The following RPRD1B variants were observed in gnomAD, a reference collection of about 807,000 sequenced individuals.
RPRD1B encodes regulation of nuclear pre-mRNA domain-containing protein 1B.
A neutral mutation model predicts 41.5 loss-of-function variants in RPRD1B; 11 were observed. That is an observed-to-expected ratio of 0.27 (90% confidence interval 0.17 to 0.44). The LOEUF (loss-of-function observed/expected upper bound fraction) is 0.44. Ranked by LOEUF, RPRD1B falls within the 20% of genes least tolerant of loss-of-function variation. The pLI is 1.00. For missense variants in RPRD1B, 248 were observed against 389.9 expected (o/e 0.64, Z 3.06); for synonymous variants, 158 against 155.6 (o/e 1.02, Z -0.12).
chr20:38,042,158 C>T (rs2074072927), intron 2 of RPRD1B, among the ~76,000 whole-genome samples: 1 of 152,138 alleles, frequency 6.6e-6, no homozygotes, highest in Non-Finnish European at 1.5e-5. Flanking sequence ...AAATTCCAGC[C>T]TGGGCAGCAT....
intron 6 of RPRD1B, chr20:38,070,594 C>T (rs972522966): frequency 1.4e-5 from 14 of 985,108 alleles, no homozygotes; most frequent in African/African-American, 1.8e-5. Context: ...GTCTTGTCAG[C>T]GTGAATAAAG....
intron 3 of RPRD1B, among the ~76,000 whole-genome samples, chr20:38,056,776 A>G (rs368370493): frequency 6.6e-6 from 1 of 152,260 alleles, no homozygotes; most frequent in Non-Finnish European, 1.5e-5. Flanking sequence ...GCTGTGTCCA[A>G]TATTTCTTTA....
intron 2 of RPRD1B, among the ~76,000 whole-genome samples, chr20:38,042,367 G>A (rs759802087): frequency 3.9e-5 from 6 of 152,074 alleles, no homozygotes; most frequent in Non-Finnish European, 8.8e-5. Flanking sequence ...ATTACAAACA[G>A]ACAAACGATC....
At position 38,091,220 on chromosome 20, in the gene RPRD1B, A is replaced by G. The variant is rs1336396178; in HGVS notation, c.*1345A>G. 5.1e-6 allele frequency: 5 copies of G among 985,766 alleles called. No individual in the cohort carries two copies. Among genetic ancestry groups the G allele is most frequent in the Admixed American group, 6.1e-5 (1 of 16,268 alleles). 61.1% of individuals were successfully genotyped at this position (985,766 alleles called of 1,614,324 possible). A position where few individuals can be genotyped will look rare whatever the true frequency, so the allele number is the denominator to read the frequency against. On this transcript the variant is annotated 3_prime_UTR_variant, in exon 7 of 7. Coordinates refer to ENST00000373433, the MANE Select transcript of RPRD1B (RefSeq NM_021215.4). Reference sequence around the variant, plus strand: ...GACCAGAGGCTGAAACCCAAACTATATAAAAAGGAATTCAGTGGAGGGGGC... The same window carrying G: ...GACCAGAGGCTGAAACCCAAACTATGTAAAAAGGAATTCAGTGGAGGGGGC...
At chr20:38,053,381 A>C (rs2074208114) in intron 3 of RPRD1B, among the ~76,000 whole-genome samples, 1 of 152,194 alleles carries the variant, frequency 6.6e-6, no homozygotes, top group Admixed American at 6.5e-5. Flanking sequence ...TAGCACTAGC[A>C]TTTTCCAAGC....
At chr20:38,058,177 T>G (rs1314681876) in intron 4 of RPRD1B, among the ~76,000 whole-genome samples, 2 of 152,184 alleles carry the variant, frequency 1.3e-5, no homozygotes, top group Non-Finnish European at 2.9e-5. Context: ...AAGGTGACAG[T>G]TTAAGTAACT....
intron 6 of RPRD1B, among the ~76,000 whole-genome samples, chr20:38,086,993 G>A (rs928597255): frequency 6.6e-5 from 10 of 151,446 alleles, no homozygotes; most frequent in Non-Finnish European, 8.8e-5. Flanking sequence ...ATTTCACTCT[G>A]TTGCCCAGGC....
Position 38,082,984 on chromosome 20 carries a change from T to A in RPRD1B, c.832-6742T>A, listed in dbSNP as rs141152236. The stretch of plus-strand genomic sequence containing the variant: ...GCACACACACAAAAAAATTTGTCTG[T>A]TAGTTTGTCTTTTTCCTTTCTACCC... On this transcript the variant is annotated intron_variant, in intron 6 of 6. Transcript: ENST00000373433. Among the ~76,000 whole-genome samples, 450 of 152,290 alleles carry A rather than the reference T, an allele frequency of 3.0e-3. 1 individual carries two copies. Among genetic ancestry groups the A allele is most frequent in the Middle Eastern group, 0.014 (4 of 294 alleles).
intron 3 of RPRD1B, among the ~76,000 whole-genome samples, chr20:38,049,360 T>A (rs1260203688): frequency 7.3e-6 from 1 of 136,092 alleles, no homozygotes; most frequent in Non-Finnish European, 1.6e-5. Context: ...TTTTTCTTTC[T>A]TTTTTTCTTT....
Position 38,033,813 on chromosome 20 carries a change from C to T in RPRD1B, c.-135C>T. 1.1e-6 allele frequency: 1 copy of T among 875,782 alleles called. No homozygotes were observed. The highest frequency in any genetic ancestry group is 1.7e-6 in the Non-Finnish European group (1 of 593,354). The allele number at this position is 875,782 out of a possible 1,614,324, so 54.3% of individuals were successfully genotyped here. A position where few individuals can be genotyped will look rare whatever the true frequency, so the allele number is the denominator to read the frequency against. ...TGCGGAGACCCATCCCCTCCCCCTT[C>T]TCGCACCCCTGGCAGTCTGTCAGTC... On this transcript the variant is annotated 5_prime_UTR_variant, in exon 1 of 7. Transcript: ENST00000373433.
chr20:38,051,141 G>T (rs1288380046), intron 3 of RPRD1B, among the ~76,000 whole-genome samples: 2 of 152,132 alleles, frequency 1.3e-5, no homozygotes, highest in Non-Finnish European at 2.9e-5. Context: ...TTAGAACTGG[G>T]TATTAAGTTT....
Position 38,048,470 on chromosome 20 carries a change from C to G in RPRD1B, c.404C>G (p.Pro135Arg). 1 of 1,605,752 alleles carries G rather than the reference C, an allele frequency of 6.2e-7. No individual in the cohort carries two copies. The highest frequency in any genetic ancestry group is 8.5e-7 in the Non-Finnish European group (1 of 1,173,786). ...LKLSMEDSKS[P>R]PPKATEEKKS... ...CTGTCTATGGAGGACTCCAAGAGCC[C>G]TCCCCCCAAAGGTAGAAACATCACC... Residue 135 changes from proline (P) to arginine (R), a missense_variant, in exon 3 of 7, where the codon CCT (proline) becomes CGT (arginine). Physicochemically the swap from Pro to Arg is moderately radical, Grantham distance 103. Transcript: ENST00000373433.
chr20:38,040,630 T>G lies in RPRD1B; in HGVS notation c.281+66T>G, dbSNP rs541494104. Reference sequence around the variant, plus strand: ...CCTTTCCCACCTTTTTGTTCTTTCCTTTTCTGTGATAGCCTTTGTAAATTG... The same window carrying G: ...CCTTTCCCACCTTTTTGTTCTTTCCGTTTCTGTGATAGCCTTTGTAAATTG... On this transcript the variant is annotated intron_variant, in intron 2 of 6. Coordinates refer to ENST00000373433, the MANE Select transcript of RPRD1B (RefSeq NM_021215.4). 11 of 1,520,442 alleles carry G rather than the reference T, an allele frequency of 7.2e-6. No homozygotes were observed. The African/African-American group carries it at 1.3e-4, about 17-fold the overall frequency. 94.2% of individuals were successfully genotyped at this position (1,520,442 alleles called of 1,614,324 possible).
Position 38,033,773 on chromosome 20 carries a change from G to C in RPRD1B, c.-175G>C. On this transcript the variant is annotated 5_prime_UTR_variant, in exon 1 of 7. Coordinates refer to ENST00000373433, the MANE Select transcript of RPRD1B (RefSeq NM_021215.4). ...CGGGTGGCCATCTTGTGGCGGCGGCGCGGGCGGCTGTTACTGCGGAGACCC... is the reference window on the plus strand; with the variant it reads ...CGGGTGGCCATCTTGTGGCGGCGGCCCGGGCGGCTGTTACTGCGGAGACCC... 1 of 597,400 alleles carries C rather than the reference G, an allele frequency of 1.7e-6. No homozygotes were observed. Among genetic ancestry groups the C allele is most frequent in the Non-Finnish European group, 2.8e-6 (1 of 354,422 alleles). 37.0% of individuals were successfully genotyped at this position (597,400 alleles called of 1,614,324 possible). A position where few individuals can be genotyped will look rare whatever the true frequency, so the allele number is the denominator to read the frequency against.
intron 6 of RPRD1B, among the ~76,000 whole-genome samples, chr20:38,066,876 T>C (rs1379974274): frequency 6.6e-6 from 1 of 152,094 alleles, no homozygotes; most frequent in African/African-American, 2.4e-5. Context: ...AGGATAGTCT[T>C]GATCTCCTGA....
At chr20:38,037,050 G>A (rs1339612795) in intron 1 of RPRD1B, among the ~76,000 whole-genome samples, 1 of 152,220 alleles carries the variant, frequency 6.6e-6, no homozygotes, top group Non-Finnish European at 1.5e-5. Context: ...TGTTCAGATT[G>A]ATTAGCCCTG....
intron 6 of RPRD1B, among the ~76,000 whole-genome samples, chr20:38,069,746 A>G (rs925188614): frequency 2.0e-5 from 3 of 152,220 alleles, no homozygotes; most frequent in Admixed American, 1.3e-4. Flanking sequence ...AGTAAGGAAA[A>G]TATTCTCACT....
intron 2 of RPRD1B, among the ~76,000 whole-genome samples, chr20:38,045,405 A>G (rs2074110872): frequency 6.6e-6 from 1 of 152,246 alleles, no homozygotes; most frequent in South Asian, 2.1e-4. Flanking sequence ...AAACCTAATC[A>G]GTAGAAAGAT....
chr20:38,090,899 T>TCACG lies in RPRD1B; in HGVS notation c.*1026_*1029dup. The TCACG allele has an allele frequency of 4.1e-6, 4 of 985,440 alleles. No individual in the cohort carries two copies. The highest frequency in any genetic ancestry group is 4.8e-6 in the Non-Finnish European group (4 of 829,958). The allele number at this position is 985,440 out of a possible 1,614,324, so 61.0% of individuals were successfully genotyped here. ...ACGCTGAGCAGGTCCGTCTGTCATG[T>TCACG]CACGCCACTGCACAGGTCCTTGTCC... On this transcript the variant is annotated 3_prime_UTR_variant, in exon 7 of 7. Transcript: ENST00000373433.
Sources: allele counts gnomAD v4.1 joint callset (sites outside exome capture counted in the v4.1 genomes callset), GRCh38; gene constraint gnomAD v4.1.1; transcripts MANE v1.5; gene names NCBI Gene and HGNC (gene_info 2026-07-23, HGNC 2026-07-21).